Variants in CCDC33 observed in about 807,000 individuals in gnomAD.
CCDC33 encodes coiled-coil domain-containing protein 33.
In CCDC33, 94 loss-of-function variants were observed where a neutral mutation model predicts 91.9. The observed-to-expected ratio is 1.02, with a 90% confidence interval of 0.87 to 1.21. The LOEUF is 1.21. Ranked by LOEUF, CCDC33 falls within the 50% of genes most tolerant of loss-of-function variation. The pLI is 0.00. For missense variants in CCDC33, 940 were observed against 935.5 expected (o/e 1.00, Z -0.06); for synonymous variants, 396 against 374.5 (o/e 1.06, Z -0.66).
intron 1 of CCDC33, among the ~76,000 whole-genome samples, chr15:74,242,711 G>A (rs982166233): frequency 2.6e-5 from 4 of 152,090 alleles, no homozygotes; most frequent in East Asian, 1.9e-4. Flanking sequence ...TCAGCCAGCC[G>A]GCCAGTGGAG....
At chr15:74,330,932 G>T (rs2060420399) in intron 13 of CCDC33, 49 bp from the exon 14 acceptor site, 1 of 1,551,236 alleles carries the variant, frequency 6.4e-7, no homozygotes, top group African/African-American at 1.4e-5. Context: ...GGCCAAGGTG[G>T]ACTCCCAGGC....
chr15:74,268,487 T>TA (rs1595986791), intron 5 of CCDC33, 29 bp downstream of exon 5: 1 of 1,202,386 alleles, frequency 8.3e-7, no homozygotes, highest in African/African-American at 1.7e-5. Context: ...TCTGGGGTGG[T>TA]GGTGGGGGTG....
intron 16 of CCDC33, among the ~76,000 whole-genome samples, chr15:74,333,616 C>T (rs1341639315): frequency 1.3e-5 from 2 of 152,142 alleles, no homozygotes; most frequent in African/African-American, 4.8e-5. Context: ...AGGGGGCTCC[C>T]TAATGCATTT....
chr15:74,335,807 G>A (rs2060554211), intron 18 of CCDC33, 118 bp from the exon 19 acceptor site: 1 of 783,918 alleles, frequency 1.3e-6, no homozygotes, highest in Non-Finnish European at 2.1e-6. Flanking sequence ...ATCTTTGCCA[G>A]GTCATGGCCC....
intron 1 of CCDC33, among the ~76,000 whole-genome samples, chr15:74,242,981 C>G (rs1436463873): frequency 6.6e-6 from 1 of 152,228 alleles, no homozygotes; most frequent in Non-Finnish European, 1.5e-5. Flanking sequence ...AAGGCCTCCT[C>G]CTCCCTGCTG....
chr15:74,264,372 G>A (rs1385201366), intron 3 of CCDC33, among the ~76,000 whole-genome samples: 1 of 152,130 alleles, frequency 6.6e-6, no homozygotes, highest in African/African-American at 2.4e-5. Context: ...GGCCGGAAGG[G>A]CACAATGCCC....
intron 2 of CCDC33, among the ~76,000 whole-genome samples, chr15:74,223,630 G>T (rs891379325): frequency 1.3e-4 from 19 of 151,264 alleles, no homozygotes; most frequent in African/African-American, 4.4e-4. Flanking sequence ...GCCAGAGATT[G>T]ACTCCCAGCC....
In CCDC33 at chr15:74,272,911, G is replaced by C; in HGVS notation, c.759+20G>C. 6.2e-7 allele frequency: 1 copy of C among 1,613,896 alleles called. No homozygotes were observed. The highest frequency in any genetic ancestry group is 8.5e-7 in the Non-Finnish European group (1 of 1,179,862). On this transcript the variant is annotated intron_variant, in intron 7 of 18. Transcript: ENST00000398814. ...CCTCAGGTATGTCTCCTCCCCAGTG[G>C]TTCCAGCTTCCTGTAACTACCCCAC...
intron 11 of CCDC33, chr15:74,318,418 G>A (rs1017515007): frequency 1.1e-5 from 6 of 541,354 alleles, no homozygotes; most frequent in Admixed American, 4.1e-5. Flanking sequence ...AGTGAACCTT[G>A]CATGATTTCA....
chr15:74,307,858 GGCAGTATGGCGAGA>G (rs1414882860), intron 11 of CCDC33, among the ~76,000 whole-genome samples: 22 of 152,032 alleles, frequency 1.4e-4, no homozygotes, highest in African/African-American at 5.3e-4. Flanking sequence ...ACTGGCCCCT[GGCAGTATGGCGAGA>G]GCCACTCCCA....
chr15:74,223,723 T>TAC (rs55820464), intron 2 of CCDC33, among the ~76,000 whole-genome samples: 22,687 of 111,472 alleles, frequency 0.2, 2,723 homozygotes, highest in Non-Finnish European at 0.23. Flanking sequence ...ACCGCCAGCA[T>TAC]ACACACACAC....
intron 11 of CCDC33, among the ~76,000 whole-genome samples, chr15:74,307,440 C>A (rs181890414): frequency 6.6e-6 from 1 of 152,314 alleles, no homozygotes; most frequent in Non-Finnish European, 1.5e-5. Flanking sequence ...GAGGAACCTG[C>A]TGATAGCACA....
upstream of CCDC33, among the ~76,000 whole-genome samples, chr15:74,233,326 A>G (rs2075043961): frequency 6.6e-6 from 1 of 152,164 alleles, no homozygotes. Context: ...GAGGGTCTCT[A>G]TGCTCCCACT....
chr15:74,278,379 G>A (rs2076504391), intron 7 of CCDC33, among the ~76,000 whole-genome samples: 1 of 152,270 alleles, frequency 6.6e-6, no homozygotes, highest in Admixed American at 6.5e-5. Flanking sequence ...ATTCCTGTGG[G>A]GGAGCAGGAG....
upstream of CCDC33, chr15:74,213,251 A>G (rs953526722): frequency 6.6e-6 from 1 of 151,494 alleles, no homozygotes; most frequent in African/African-American, 2.4e-5. Flanking sequence ...TCTCAGGCCT[A>G]CCTTGTTTGA....
intron 11 of CCDC33, among the ~76,000 whole-genome samples, chr15:74,317,046 A>C (rs952719857): frequency 6.6e-6 from 1 of 152,190 alleles, no homozygotes; most frequent in Non-Finnish European, 1.5e-5. Context: ...TATTGTTCAG[A>C]GGAAGTGTCC....
chr15:74,231,364 T>G (rs148630910), upstream of CCDC33, among the ~76,000 whole-genome samples: 1 of 152,186 alleles, frequency 6.6e-6, no homozygotes, highest in Admixed American at 6.5e-5. Context: ...GCTCTGCCCT[T>G]GCTTATGGGG....
intron 2 of CCDC33, among the ~76,000 whole-genome samples, chr15:74,219,812 T>TG (rs1249478026): frequency 1.3e-5 from 2 of 152,224 alleles, no homozygotes; most frequent in Non-Finnish European, 2.9e-5. Context: ...TACTGGGCTT[T>TG]GGGGAGGGTA....
chr15:74,266,786 AG>A lies in CCDC33; in HGVS notation c.429+1del, dbSNP rs2076177319. On this transcript the variant is annotated frameshift_variant and splice_region_variant, in exon 4 of 19. Coordinates refer to ENST00000398814, the MANE Select transcript of CCDC33 (RefSeq NM_025055.5). LOFTEE classifies it high-confidence loss of function. ...CACCCCTACCACTTTGAGCTGGTGA[AG>A]GTGAGTCAGAGGCCTGGGGAAGTGC... ...VFHPYHFELV[K>X]PTESGKADEA... The A allele has an allele frequency of 6.2e-7, 1 of 1,611,016 alleles. No homozygotes were observed.
Sources: gnomAD v4.1 joint callset for allele counts (sites outside exome capture counted in the v4.1 genomes callset) on GRCh38, gnomAD v4.1.1 for gene constraint, MANE v1.5 for transcripts, NCBI Gene and HGNC (gene_info 2026-07-23, HGNC 2026-07-21) for gene names.